SLC25A21: variants seen among roughly 807,000 people sequenced by gnomAD.
SLC25A21 encodes the protein mitochondrial 2-oxodicarboxylate carrier.
Under a neutral mutation model 43.8 loss-of-function variants are expected in SLC25A21, and 47 were observed. The ratio of observed to expected loss-of-function variants is 1.07; its 90% confidence interval spans 0.85 to 1.37. The LOEUF (loss-of-function observed/expected upper bound fraction) is 1.37. Among genes scored for constraint, SLC25A21 ranks in the 40% most tolerant of loss-of-function variants. The pLI is 0.00. For synonymous variants in SLC25A21, 131 were observed against 121.3 expected, an observed-to-expected ratio of 1.08 and a Z score of -0.52; for missense variants, 352 against 350.2, an observed-to-expected ratio of 1.00 and a Z score of -0.04.
chr14:37,108,704 A>AGTGTGT lies in SLC25A21; in HGVS notation c.70+63571_70+63576dup, dbSNP rs56801840. Among the ~76,000 whole-genome samples, 173 of 149,350 alleles carry AGTGTGT rather than the reference A, an allele frequency of 1.2e-3. 1 individual carries two copies. The highest frequency in any genetic ancestry group is 3.2e-3 in the African/African-American group (129 of 40,128). On this transcript the variant is annotated intron_variant, in intron 1 of 9. Coordinates refer to ENST00000331299, the MANE Select transcript of SLC25A21 (RefSeq NM_030631.4). ...GAATTAAAAGATGTGAGTTTTGTTA[A>AGTGTGT]GTGTGTGTGTGTGTGTGTGTGTGTG... is the stretch of plus-strand genomic sequence containing the variant.
chr14:36,941,215 A>G (rs375919063), intron 1 of SLC25A21, among the ~76,000 whole-genome samples: 1 of 152,132 alleles, frequency 6.6e-6, no homozygotes, highest in South Asian at 2.1e-4. Context: ...CCCATAATAT[A>G]TCACAAAACA....
At chr14:37,006,216 G>A (rs190909300) in intron 1 of SLC25A21, among the ~76,000 whole-genome samples, 38 of 152,026 alleles carry the variant, frequency 2.5e-4, no homozygotes, top group African/African-American at 8.7e-4. Context: ...TGTAACATTC[G>A]AACAGATATA....
At chr14:36,724,733 C>T (rs970617854) in intron 6 of SLC25A21, among the ~76,000 whole-genome samples, 4 of 152,140 alleles carry the variant, frequency 2.6e-5, no homozygotes, top group African/African-American at 9.7e-5. Context: ...AATGTCAAGA[C>T]CCGTCATTGT....
At chr14:37,147,229 A>C (rs2138928540) in intron 1 of SLC25A21, among the ~76,000 whole-genome samples, 1 of 152,366 alleles carries the variant, frequency 6.6e-6, no homozygotes, top group South Asian at 2.1e-4. Flanking sequence ...GCGTTATTAA[A>C]ATTTACTTTA....
At position 37,050,054 on chromosome 14, in the gene SLC25A21, T is replaced by C. The variant is rs547417074; in HGVS notation, c.70+122227A>G. Reference sequence around the variant, plus strand: ...ACTACACTAATATAATTTTGCATACTTCTACAACAGCAACATGGACTGGCT... The same window carrying C: ...ACTACACTAATATAATTTTGCATACCTCTACAACAGCAACATGGACTGGCT... On this transcript the variant is annotated intron_variant, in intron 1 of 9. Coordinates refer to ENST00000331299, the MANE Select transcript of SLC25A21 (RefSeq NM_030631.4). Among the ~76,000 whole-genome samples, 3 of 152,360 alleles carry C rather than the reference T, an allele frequency of 2.0e-5. No individual in the cohort carries two copies. In the South Asian group the frequency reaches 6.2e-4, roughly 32 times the overall value.
chr14:37,068,857 TA>T (rs889062919), intron 1 of SLC25A21, among the ~76,000 whole-genome samples: 8 of 152,082 alleles, frequency 5.3e-5, no homozygotes, highest in Non-Finnish European at 1.2e-4. Flanking sequence ...CATTATAAGC[TA>T]AAAAAAGCAA....
chr14:36,973,076 C>T (rs1038799053), intron 1 of SLC25A21, among the ~76,000 whole-genome samples: 1 of 149,892 alleles, frequency 6.7e-6, no homozygotes, highest in Non-Finnish European at 1.5e-5. Flanking sequence ...TAGGGTCTTG[C>T]TATGTTTTCC....
chr14:37,097,662 C>G (rs1319778202), intron 1 of SLC25A21, among the ~76,000 whole-genome samples: 2 of 152,016 alleles, frequency 1.3e-5, no homozygotes, highest in Admixed American at 1.3e-4. Flanking sequence ...GCAGGTGGAT[C>G]GCCTGAGGTC....
rs1882010101 is a variant in SLC25A21 at position 36,678,405 on chromosome 14, CAGA to C, written c.*2250_*2252del. On this transcript the variant is annotated 3_prime_UTR_variant, in exon 10 of 10. Coordinates refer to ENST00000331299, the MANE Select transcript of SLC25A21 (RefSeq NM_030631.4). ...ATTATAACTTCAGGAGAAGAATAAG[CAGA>C]AGGAGCAGATGAACTCTCAGGGCCA... 2 of 1,165,486 alleles carry C rather than the reference CAGA, an allele frequency of 1.7e-6. No individual in the cohort carries two copies. The highest frequency in any genetic ancestry group is 2.5e-6 in the Non-Finnish European group (2 of 810,772). The allele number at this position is 1,165,486 out of a possible 1,614,324, so 72.2% of individuals were successfully genotyped here.
chr14:36,699,469 C>T (rs1242524540), intron 7 of SLC25A21, among the ~76,000 whole-genome samples: 1 of 152,200 alleles, frequency 6.6e-6, no homozygotes, highest in Admixed American at 6.5e-5. Flanking sequence ...GGGAGAACAA[C>T]TGCTCTTTTC....
chr14:36,821,869 T>C (rs548185344), intron 2 of SLC25A21, among the ~76,000 whole-genome samples: 3 of 152,092 alleles, frequency 2.0e-5, no homozygotes, highest in Admixed American at 6.6e-5. Context: ...ACAAAAATAA[T>C]AATAATAACT....
At chr14:37,144,158 G>A (rs1282810423) in intron 1 of SLC25A21, among the ~76,000 whole-genome samples, 1 of 152,138 alleles carries the variant, frequency 6.6e-6, no homozygotes, top group Non-Finnish European at 1.5e-5. Context: ...TCAAATCTTG[G>A]GAAAAGGACT....
At position 36,680,128 on chromosome 14, in the gene SLC25A21, A is replaced by AAAG; in HGVS notation, c.*527_*529dup. On this transcript the variant is annotated 3_prime_UTR_variant, in exon 10 of 10. Transcript: ENST00000331299. ...GTATTCATAAAATTAAACATTCTTA[A>AAAG]AAGGTCATTTTAGTGCACTTTAAAA... 1 of 876,568 alleles carries AAAG rather than the reference A, an allele frequency of 1.1e-6. No homozygotes were observed. The highest frequency in any genetic ancestry group is 1.4e-6 in the Non-Finnish European group (1 of 731,842). The allele number at this position is 876,568 out of a possible 1,614,324, so 54.3% of individuals were successfully genotyped here.
At chr14:37,095,706 A>G (rs1296626643) in intron 1 of SLC25A21, among the ~76,000 whole-genome samples, 2 of 152,082 alleles carry the variant, frequency 1.3e-5, no homozygotes, top group Non-Finnish European at 2.9e-5. Context: ...CCTGGGCAAC[A>G]TAGCAAGAAC....
chr14:36,722,528 C>T (rs1045072067), intron 6 of SLC25A21, among the ~76,000 whole-genome samples: 35 of 152,138 alleles, frequency 2.3e-4, no homozygotes, highest in Non-Finnish European at 3.5e-4. Flanking sequence ...ATGCATGTGT[C>T]GGGGCATGGG....
chr14:36,745,579 T>C (rs1885461481), intron 3 of SLC25A21, among the ~76,000 whole-genome samples: 2 of 152,228 alleles, frequency 1.3e-5, no homozygotes, highest in Non-Finnish European at 2.9e-5. Flanking sequence ...TTGATTTGCA[T>C]TTCTCTGATG....
rs148495331 is a variant in SLC25A21, at chr14:37,107,391, C to T, written c.70+64890G>A. Among the ~76,000 whole-genome samples, 16 of 151,948 alleles carry T rather than the reference C, an allele frequency of 1.1e-4. No individual in the cohort carries two copies. The East Asian group carries it at 2.3e-3, about 22-fold the overall frequency. On this transcript the variant is annotated intron_variant, in intron 1 of 9. Coordinates refer to ENST00000331299, the MANE Select transcript of SLC25A21 (RefSeq NM_030631.4). ...GGAAATGGGATCTCAATAAGTTGCC[C>T]GCACTGGTCTCAAACTCCTGGAGTC...
intron 1 of SLC25A21, among the ~76,000 whole-genome samples, chr14:36,928,251 A>C (rs969716986): frequency 2.0e-5 from 3 of 152,202 alleles, no homozygotes; most frequent in Admixed American, 2.0e-4. Context: ...ATTTATAATC[A>C]GCACACAAGA....
chr14:36,974,838 G>C (rs1231052276), intron 1 of SLC25A21, among the ~76,000 whole-genome samples: 2 of 152,106 alleles, frequency 1.3e-5, no homozygotes, highest in Admixed American at 1.3e-4. Context: ...AAACCAAGTA[G>C]TACAATAAAA....
Sources: allele counts gnomAD v4.1 joint callset (sites outside exome capture counted in the v4.1 genomes callset), GRCh38; gene constraint gnomAD v4.1.1; transcripts MANE v1.5; gene names NCBI Gene and HGNC (gene_info 2026-07-23, HGNC 2026-07-21).